Variants in NEK5 observed in about 807,000 individuals in gnomAD.
NEK5 encodes NIMA related kinase 5, also known as serine/threonine-protein kinase Nek5.
A neutral mutation model predicts 109.2 loss-of-function variants in NEK5; 88 were observed. The observed-to-expected ratio is 0.81, with a 90% CI of 0.68 to 0.96. The LOEUF is 0.96. Among genes scored for constraint, NEK5 ranks in the 40% least tolerant of loss-of-function variants. The probability of loss-of-function intolerance (pLI) is 0.00; values close to 1 mark genes in which losing one functional copy is unlikely to be tolerated. For missense variants in NEK5, 834 were observed against 920.7 expected, an observed-to-expected ratio of 0.91 and a Z score of 1.22; for synonymous variants, 283 against 299.9, an observed-to-expected ratio of 0.94 and a Z score of 0.58.
chr13:52,080,639 A>G (rs960304973), intron 17 of NEK5, among the ~76,000 whole-genome samples: 1 of 152,168 alleles, frequency 6.6e-6, no homozygotes. Context: ...ACTCAGGGTT[A>G]AATGGATTAA....
At position 52,034,103 on chromosome 13, in the gene NEK5, C is replaced by G. The variant is rs1196718915; in HGVS notation, c.*2845G>C. 6.6e-6 allele frequency: 1 copy of G among 152,176 alleles called. No individual in the cohort carries two copies. Among genetic ancestry groups the G allele is most frequent in the African/African-American group, 2.4e-5 (1 of 41,432 alleles). The allele number at this position is 152,176 out of a possible 1,614,324, so 9.4% of individuals were successfully genotyped here. On this transcript the variant is annotated 3_prime_UTR_variant, in exon 24 of 24. Coordinates refer to ENST00000684899, the MANE Select transcript of NEK5 (RefSeq NM_001365552.1). ...CACAGAGGAGGTCAAAGTGTTGATA[C>G]ACTTATTGCTACCATTTACAGAATG...
Position 52,110,388 on chromosome 13 carries a change from C to A in NEK5, c.419G>T (p.Gly140Val). The change falls in exon 7 of 24, where the codon GGA (glycine) becomes GTA (valine). Residue 140 changes from glycine to valine, a missense_variant. Physicochemically the swap from Gly to Val is moderately radical, Grantham distance 109 (BLOSUM62 -3). Around this residue, in one of 2 missense-constraint regions of NEK5, gnomAD observed 777 missense variants for 824.7 expected, o/e 0.94. Transcript: ENST00000684899. ...KAQNIFLSKNGMVAKLGDFGI... is the reference protein window; with the variant it reads ...KAQNIFLSKNVMVAKLGDFGI... The stretch of plus-strand genomic sequence containing the variant: ...AAAGTCCCCAAGCTTTGCCACCATT[C>A]CGTTCTTGCTAAGAAAAATGTTCTA... 4 of 1,613,312 alleles carry A rather than the reference C, an allele frequency of 2.5e-6. No homozygotes were observed. The highest frequency in any genetic ancestry group is 3.4e-6 in the Non-Finnish European group (4 of 1,179,326).
chr13:52,080,859 C>G (rs1487282373), intron 17 of NEK5, among the ~76,000 whole-genome samples: 5 of 149,804 alleles, frequency 3.3e-5, no homozygotes, highest in African/African-American at 1.2e-4. Flanking sequence ...CCAAATACCC[C>G]TCTGCGAGAA....
In NEK5 at chr13:52,087,404, T is replaced by C; in HGVS notation, c.1326A>G (p.Leu442=). Residue 442 remains leucine, a synonymous_variant, in exon 15 of 24, where the codon CTA becomes CTG. Transcript: ENST00000684899. ...AEPNYNQRQE[L]RSNGEEPRFQ... ...ATCTAGGCTCTTCTCCATTACTTCT[T>C]AGCTCTTGTCTCTGGTTGTAATTTG... The C allele has an allele frequency of 1.2e-6, 2 of 1,612,634 alleles. No individual in the cohort carries two copies. Among genetic ancestry groups the C allele is most frequent in the East Asian group, 2.2e-5 (1 of 44,860 alleles).
Position 52,076,055 on chromosome 13 carries a change from T to A in NEK5, c.1653+8A>T, listed in dbSNP as rs906421282. ...AATATGGAACCCAAAGACAAAAGTA[T>A]TTCTTACCTTAGCTTTATATTTCTG... On this transcript the variant is annotated splice_region_variant and intron_variant, in intron 18 of 23. Transcript: ENST00000684899. 6.5e-7 allele frequency: 1 copy of A among 1,548,914 alleles called. No individual in the cohort carries two copies. Among genetic ancestry groups the A allele is most frequent in the East Asian group, 2.3e-5 (1 of 44,386 alleles).
chr13:52,114,268 T>A (rs561641838), intron 4 of NEK5, among the ~76,000 whole-genome samples: 2 of 152,178 alleles, frequency 1.3e-5, no homozygotes, highest in Non-Finnish European at 2.9e-5. Flanking sequence ...ACACAAAACA[T>A]AAGCGCCAAA....
Position 52,106,095 on chromosome 13 carries a change from C to T in NEK5, c.555-1543G>A, listed in dbSNP as rs933506616. ...TGTCTGTGGCATGCCCTGCTCTGAA[C>T]AGCCTACTTTCCGTCCAACACACCC... On this transcript the variant is annotated intron_variant, in intron 8 of 23. Coordinates refer to ENST00000684899, the MANE Select transcript of NEK5 (RefSeq NM_001365552.1). Among the ~76,000 whole-genome samples, 6 of 152,068 alleles carry T rather than the reference C, an allele frequency of 3.9e-5. No homozygotes were observed. In the South Asian group the frequency reaches 1.0e-3, roughly 26 times the overall value.
intron 17 of NEK5, chr13:52,082,392 A>C (rs979080920): frequency 3.5e-6 from 4 of 1,153,496 alleles, no homozygotes; most frequent in Non-Finnish European, 4.4e-6. Flanking sequence ...ATAAAAGCAC[A>C]CTTGGGCTTC....
At chr13:52,061,368 G>A (rs370475651) in intron 22 of NEK5, among the ~76,000 whole-genome samples, 96 of 152,262 alleles carry the variant, frequency 6.3e-4, no homozygotes, top group Middle Eastern at 3.4e-3. Flanking sequence ...ACTGGTCTGC[G>A]GCCCGAGGGT....
intron 21 of NEK5, among the ~76,000 whole-genome samples, chr13:52,063,074 CCCACGGTCTCCCTCTCCCTCTCTTT>C (rs1343559292): frequency 6.6e-6 from 1 of 151,068 alleles, no homozygotes; most frequent in African/African-American, 2.5e-5. Context: ...TCCCCCTCTC[CCCACGGTCTCCCTCTCCCTCTCTTT>C]CCACGGTCTC....
chr13:52,105,238 A>T (rs1188852075), intron 8 of NEK5, among the ~76,000 whole-genome samples: 14 of 148,150 alleles, frequency 9.4e-5, no homozygotes, highest in Non-Finnish European at 1.6e-4. Context: ...TTTGTGCATG[A>T]GTGTGTGTGT....
intron 23 of NEK5, among the ~76,000 whole-genome samples, chr13:52,047,354 T>C (rs1229425639): frequency 6.6e-6 from 1 of 152,128 alleles, no homozygotes; most frequent in African/African-American, 2.4e-5. Context: ...AAAAGACACA[T>C]TTACACAAGA....
intron 23 of NEK5, among the ~76,000 whole-genome samples, chr13:52,043,645 A>C (rs1954433194): frequency 6.6e-6 from 1 of 152,184 alleles, no homozygotes; most frequent in African/African-American, 2.4e-5. Flanking sequence ...GAAAATGAAC[A>C]CAAATACCCA....
chr13:52,081,035 TGGG>T (rs1311995683), intron 17 of NEK5, among the ~76,000 whole-genome samples: 1 of 151,218 alleles, frequency 6.6e-6, no homozygotes, highest in Non-Finnish European at 1.5e-5. Context: ...TGGGTATGTT[TGGG>T]GGAAATGTGA....
intron 9 of NEK5, among the ~76,000 whole-genome samples, chr13:52,103,167 G>A (rs1955576720): frequency 2.0e-5 from 3 of 152,136 alleles, no homozygotes; most frequent in African/African-American, 7.2e-5. Flanking sequence ...GGTGGCTCAC[G>A]CCTGTAATCC....
chr13:52,080,704 AAG>A (rs1181181428), intron 17 of NEK5, among the ~76,000 whole-genome samples: 1 of 152,012 alleles, frequency 6.6e-6, no homozygotes, highest in Non-Finnish European at 1.5e-5. Flanking sequence ...CATGCTCGTT[AAG>A]AGTCATCACC....
chr13:52,095,659 G>A (rs368932657), intron 12 of NEK5, among the ~76,000 whole-genome samples: 73 of 152,280 alleles, frequency 4.8e-4, no homozygotes, highest in Admixed American at 1.3e-3. Flanking sequence ...AGGCTGAGGC[G>A]GGCATATCAC....
intron 8 of NEK5, among the ~76,000 whole-genome samples, chr13:52,105,668 A>G (rs992331628): frequency 4.6e-5 from 7 of 151,970 alleles, no homozygotes; most frequent in Non-Finnish European, 1.0e-4. Flanking sequence ...GAGAATTCAT[A>G]TGCCCCCAGG....
At chr13:52,066,228 C>T (rs1030629834) in intron 20 of NEK5, among the ~76,000 whole-genome samples, 5 of 152,074 alleles carry the variant, frequency 3.3e-5, no homozygotes, top group Non-Finnish European at 7.4e-5. Context: ...TAATATTCTG[C>T]TTTATGAATG....
Sources: allele counts gnomAD v4.1 joint callset (sites outside exome capture counted in the v4.1 genomes callset), GRCh38; gene constraint gnomAD v4.1.1; regional missense constraint gnomAD v4.1.1; transcripts MANE v1.5; gene names NCBI Gene and HGNC (gene_info 2026-07-23, HGNC 2026-07-21).